Variants in NAV3 observed in about 807,000 individuals in gnomAD.
NAV3 encodes neuron navigator 3, also known as pore membrane and/or filament interacting like protein 1.
A neutral mutation model predicts 244.7 loss-of-function variants in NAV3; 87 were observed. That is an observed-to-expected ratio of 0.36 (90% CI 0.30 to 0.42). NAV3 has a LOEUF of 0.42. Ranked by LOEUF, NAV3 falls within the 20% of genes least tolerant of loss-of-function variation. The pLI is 1.00. For synonymous variants in NAV3, 1,126 were observed against 1,042.2 expected, an observed-to-expected ratio of 1.08 and a Z score of -1.55; for missense variants, 2,663 against 2,893.3, an observed-to-expected ratio of 0.92 and a Z score of 1.83.
At chr12:78,028,246 T>C (rs1263001505) in intron 9 of NAV3, among the ~76,000 whole-genome samples, 4 of 152,164 alleles carry the variant, frequency 2.6e-5, no homozygotes, top group Non-Finnish European at 5.9e-5. Context: ...CTTAATGGTA[T>C]GCTGATGGTT....
intron 1 of NAV3, among the ~76,000 whole-genome samples, chr12:77,928,907 A>G (rs1888499114): frequency 6.6e-6 from 1 of 152,206 alleles, no homozygotes; most frequent in South Asian, 2.1e-4. Context: ...GGTGCACTTG[A>G]TATCTGCATA....
chr12:77,974,292 T>G (rs958205680), intron 5 of NAV3, among the ~76,000 whole-genome samples: 1 of 151,986 alleles, frequency 6.6e-6, no homozygotes, highest in Non-Finnish European at 1.5e-5. Context: ...TTTGTTTTGT[T>G]TTGTTTTGAG....
At chr12:77,995,337 T>C (rs1872176380) in intron 6 of NAV3, among the ~76,000 whole-genome samples, 1 of 152,220 alleles carries the variant, frequency 6.6e-6, no homozygotes, top group African/African-American at 2.4e-5. Context: ...TATAATAGTT[T>C]AATTTTTTTG....
intron 2 of NAV3, among the ~76,000 whole-genome samples, chr12:77,780,402 A>G (rs1870604483): frequency 6.6e-6 from 1 of 152,212 alleles, no homozygotes; most frequent in Non-Finnish European, 1.5e-5. Context: ...TTCAAATTTC[A>G]AAATACTCAA....
At chr12:77,607,866 C>A (rs1870740701) in intron 2 of NAV3, among the ~76,000 whole-genome samples, 2 of 152,056 alleles carry the variant, frequency 1.3e-5, no homozygotes, top group East Asian at 1.9e-4. Context: ...TTAGCCCCAG[C>A]ATTTTGTAAA....
At chr12:77,852,492 T>G (rs1208402632) in intron 1 of NAV3, among the ~76,000 whole-genome samples, 1 of 152,040 alleles carries the variant, frequency 6.6e-6, no homozygotes, top group Non-Finnish European at 1.5e-5. Context: ...CGAGCTGAGA[T>G]CGCACCACTG....
chr12:77,914,443 T>G (rs1242177052), intron 1 of NAV3, among the ~76,000 whole-genome samples: 1 of 152,108 alleles, frequency 6.6e-6, no homozygotes, highest in Non-Finnish European at 1.5e-5. Context: ...AGTGTTTTCC[T>G]ACAGATGTTT....
Position 77,916,130 on chromosome 12 carries a change from A to T in NAV3, c.244-24189A>T, listed in dbSNP as rs148732888. ...TTAAATGAGTAAGTAAGCTATTTGGATACTGGTGAAAGAGCATTATGAGTA... is the reference window on the plus strand; with the variant it reads ...TTAAATGAGTAAGTAAGCTATTTGGTTACTGGTGAAAGAGCATTATGAGTA... On this transcript the variant is annotated intron_variant, in intron 1 of 39. Coordinates refer to ENST00000397909, the MANE Select transcript of NAV3 (RefSeq NM_001024383.2). Among the ~76,000 whole-genome samples the T allele has an allele frequency of 1.4e-4, 21 of 152,164 alleles. No homozygotes were observed. The East Asian group carries it at 3.5e-3, about 25-fold the overall frequency.
chr12:78,147,928 T>G (rs963197375), intron 21 of NAV3, among the ~76,000 whole-genome samples: 1 of 152,084 alleles, frequency 6.6e-6, no homozygotes, highest in Non-Finnish European at 1.5e-5. Flanking sequence ...AGATATATAC[T>G]TATAGAACCT....
intron 2 of NAV3, among the ~76,000 whole-genome samples, chr12:77,820,776 TATTAATAATGTATATGTA>T (rs1405553683): frequency 6.6e-6 from 1 of 152,180 alleles, no homozygotes; most frequent in Non-Finnish European, 1.5e-5. Context: ...AATAAGCAGA[TATTAATAATGTATATGTA>T]ATTTTATGTT....
At chr12:78,180,116 C>A (rs1958436997) in intron 29 of NAV3, among the ~76,000 whole-genome samples, 2 of 152,106 alleles carry the variant, frequency 1.3e-5, no homozygotes, top group African/African-American at 4.8e-5. Flanking sequence ...CACAAGCTTT[C>A]TGAATACAGA....
At chr12:77,649,788 T>C (rs1303534885) in intron 2 of NAV3, among the ~76,000 whole-genome samples, 1 of 152,192 alleles carries the variant, frequency 6.6e-6, no homozygotes, top group African/African-American at 2.4e-5. Flanking sequence ...AATATGCCTT[T>C]GAAAGTAAAT....
At chr12:78,009,255 C>CT (rs1412198932) in intron 8 of NAV3, among the ~76,000 whole-genome samples, 1 of 151,868 alleles carries the variant, frequency 6.6e-6, no homozygotes, top group African/African-American at 2.4e-5. Context: ...TTGAGAAACT[C>CT]TTTGAGTTTC....
chr12:77,614,492 A>G (rs976713124), intron 2 of NAV3, among the ~76,000 whole-genome samples: 18 of 152,120 alleles, frequency 1.2e-4, no homozygotes, highest in Non-Finnish European at 2.5e-4. Flanking sequence ...TATCACTAGT[A>G]TGTAATATAT....
chr12:77,720,519 G>A (rs961780113), intron 2 of NAV3, among the ~76,000 whole-genome samples: 4 of 152,040 alleles, frequency 2.6e-5, no homozygotes, highest in African/African-American at 9.7e-5. Flanking sequence ...ATGCTGCTCA[G>A]CTCTCCATTC....
chr12:77,658,097 G>C (rs1419116666), intron 2 of NAV3, among the ~76,000 whole-genome samples: 2 of 151,948 alleles, frequency 1.3e-5, no homozygotes, highest in Non-Finnish European at 2.9e-5. Flanking sequence ...AGTGTTGGAA[G>C]TTCTGGCCAG....
chr12:77,719,066 TC>T (rs1876495336), intron 2 of NAV3, among the ~76,000 whole-genome samples: 1 of 152,182 alleles, frequency 6.6e-6, no homozygotes, highest in African/African-American at 2.4e-5. Context: ...AGTATTTTAT[TC>T]TTTTTGGTAC....
At chr12:77,926,439 G>C (rs1422504020) in intron 1 of NAV3, among the ~76,000 whole-genome samples, 1 of 152,032 alleles carries the variant, frequency 6.6e-6, no homozygotes, top group Non-Finnish European at 1.5e-5. Context: ...AGAGAGGCTT[G>C]GGAGGTAAGG....
chr12:77,914,334 G>T (rs144795951), intron 1 of NAV3, among the ~76,000 whole-genome samples: 18 of 152,180 alleles, frequency 1.2e-4, no homozygotes, highest in African/African-American at 4.3e-4. Context: ...GAATGTGCAA[G>T]ATGTTTTTTG....
Sources: gnomAD v4.1 joint callset for allele counts (sites outside exome capture counted in the v4.1 genomes callset) on GRCh38, gnomAD v4.1.1 for gene constraint, MANE v1.5 for transcripts, NCBI Gene and HGNC (gene_info 2026-07-23, HGNC 2026-07-21) for gene names.